The following RCC1 variants were observed in gnomAD, a reference collection of about 807,000 sequenced individuals.
RCC1 encodes the protein regulator of chromosome condensation 1.
RCC1 carries 11 observed loss-of-function variants against 44.4 expected under a neutral mutation model. That is an observed-to-expected ratio of 0.25 (90% CI 0.16 to 0.41). The LOEUF is 0.41. Ranked by LOEUF, RCC1 falls within the 10% of genes least tolerant of loss-of-function variation. The pLI is 1.00. For missense variants in RCC1, 386 were observed against 547.1 expected (o/e 0.71, Z 2.94); for synonymous variants, 213 against 216.5 (o/e 0.98, Z 0.14).
rs759305040 is a variant in RCC1 at position 28,536,246 on chromosome 1, C to G, written c.818-16C>G. ...CAGAACACCTTCACCCCTGATGGCT[C>G]CGGCCTTTCCCCCAGGAACTCCGGG... On this transcript the variant is annotated splice_polypyrimidine_tract_variant and intron_variant, in intron 10 of 12. Coordinates refer to ENST00000683442, the MANE Select transcript of RCC1 (RefSeq NM_001381865.2). The surrounding 1 kb of genome is among the most constrained non-coding windows in gnomAD (Gnocchi z 4.9). 1 of 1,613,018 alleles carries G rather than the reference C, an allele frequency of 6.2e-7. No individual in the cohort carries two copies. Among genetic ancestry groups the G allele is most frequent in the Non-Finnish European group, 8.5e-7 (1 of 1,179,380 alleles).
intron 3 of RCC1, 93 bp downstream of exon 3, chr1:28,508,998 G>A (rs1662282240): frequency 2.3e-6 from 1 of 434,920 alleles, no homozygotes; most frequent in South Asian, 1.6e-5. Flanking sequence ...CTCCTTTTGA[G>A]AGTCTTGCTC....
chr1:28,531,529 C>T (rs1024847845), intron 5 of RCC1, among the ~76,000 whole-genome samples: 1 of 152,086 alleles, frequency 6.6e-6, no homozygotes, highest in African/African-American at 2.4e-5. Context: ...TTGCCCTCTC[C>T]ACCAAGATTC....
At chr1:28,532,495 G>C in intron 7 of RCC1, 145 bp downstream of exon 7, 1 of 831,738 alleles carries the variant, frequency 1.2e-6, no homozygotes, top group South Asian at 1.8e-5. Context: ...CCAGACCCAG[G>C]ACTCTAGCTT....
rs796795439 is a variant in RCC1 at position 28,535,773 on chromosome 1, T to C, written c.662-98T>C. On this transcript the variant is annotated intron_variant, in intron 9 of 12. Transcript: ENST00000683442. ...TAGGGATAAGAGTCCCTACTTAGCC[T>C]CTCAAGGGCTTTTATAATGGAGGAG... 1.3e-5 allele frequency: 18 copies of C among 1,348,310 alleles called. No individual in the cohort carries two copies. In the African/African-American group the frequency reaches 2.0e-4, roughly 15 times the overall value. 83.5% of individuals were successfully genotyped at this position (1,348,310 alleles called of 1,614,324 possible). A position where few individuals can be genotyped will look rare whatever the true frequency, so the allele number is the denominator to read the frequency against.
chr1:28,528,695 A>G (rs1204594315), intron 4 of RCC1, among the ~76,000 whole-genome samples: 1 of 152,034 alleles, frequency 6.6e-6, no homozygotes, highest in Non-Finnish European at 1.5e-5. Context: ...ATAAAACGAA[A>G]CAAGTAATGA....
At chr1:28,527,388 C>T (rs1298386538) in intron 4 of RCC1, among the ~76,000 whole-genome samples, 1 of 152,164 alleles carries the variant, frequency 6.6e-6, no homozygotes, top group Non-Finnish European at 1.5e-5. Context: ...TTCAGGCGTG[C>T]ACCACCATGC....
In RCC1 at chr1:28,532,302, A is replaced by T; in HGVS notation, c.393A>T (p.Thr131=). The change falls in exon 7 of 13, where the codon ACA becomes ACT. Residue 131 remains threonine, a synonymous_variant. Coordinates refer to ENST00000683442, the MANE Select transcript of RCC1 (RefSeq NM_001381865.2). ...AGGTGTCAGCAGGAGACAGTCACAC[A>T]GCAGCCCTCACCGATGATGGCCGTG... is the stretch of plus-strand genomic sequence containing the variant. The part of the protein sequence containing the change: ...VVQVSAGDSH[T]AALTDDGRVF... 6.2e-7 allele frequency: 1 copy of T among 1,614,166 alleles called. No homozygotes were observed. Among genetic ancestry groups the T allele is most frequent in the Non-Finnish European group, 8.5e-7 (1 of 1,180,034 alleles).
rs1664241228 is a variant in RCC1, at chr1:28,532,476, A to T, written c.441+126A>T. 3 of 1,038,586 alleles carry T rather than the reference A, an allele frequency of 2.9e-6. No individual in the cohort carries two copies. In the Admixed American group the frequency reaches 7.5e-5, roughly 26 times the overall value. The allele number at this position is 1,038,586 out of a possible 1,614,324, so 64.3% of individuals were successfully genotyped here. On this transcript the variant is annotated intron_variant, in intron 7 of 12. Coordinates refer to ENST00000683442, the MANE Select transcript of RCC1 (RefSeq NM_001381865.2). ...TGGGGAGATGAAAGCCCACAGGTAG[A>T]GCTGAGGCCCAGACCCAGGACTCTA...
chr1:28,511,927 G>T (rs1662571596), intron 3 of RCC1, among the ~76,000 whole-genome samples: 2 of 150,218 alleles, frequency 1.3e-5, no homozygotes, highest in Admixed American at 1.3e-4. Flanking sequence ...GCATCCCAAA[G>T]TGTTGGGATT....
chr1:28,512,031 G>A (rs1240233996), intron 3 of RCC1, among the ~76,000 whole-genome samples: 1 of 142,088 alleles, frequency 7.0e-6, no homozygotes, highest in East Asian at 2.1e-4. Context: ...CTGGAGTGCA[G>A]TGGCGTGATC....
chr1:28,506,420 G>A (rs1197276579), intron 1 of RCC1: 1 of 342,648 alleles, frequency 2.9e-6, no homozygotes, highest in Non-Finnish European at 5.7e-6. Flanking sequence ...CCTGATTTCC[G>A]GTGATCCACC....
At chr1:28,537,024 G>T in intron 12 of RCC1, 125 bp downstream of exon 12, 1 of 1,019,376 alleles carries the variant, frequency 9.8e-7, no homozygotes, top group Non-Finnish European at 1.5e-6. Context: ...TGTTTGTGAT[G>T]GCACTTTGTT....
chr1:28,511,434 T>C (rs1443432752), intron 3 of RCC1, among the ~76,000 whole-genome samples: 2 of 150,590 alleles, frequency 1.3e-5, no homozygotes, highest in African/African-American at 4.9e-5. Context: ...GGAGTCTCGC[T>C]CTGTCGCCCA....
At chr1:28,528,009 CAA>C (rs56261878) in intron 4 of RCC1, among the ~76,000 whole-genome samples, 1,631 of 97,540 alleles carry the variant, frequency 0.017, 9 homozygotes, top group Non-Finnish European at 0.018. Context: ...AACTCTGCTT[CAA>C]AAAAAAAAAA....
intron 3 of RCC1, among the ~76,000 whole-genome samples, chr1:28,513,320 G>A (rs1176123016): frequency 1.3e-5 from 2 of 151,794 alleles, no homozygotes; most frequent in South Asian, 2.1e-4. Flanking sequence ...TCAGCCTCTG[G>A]AGCAGCTGGT....
At position 28,532,411 on chromosome 1, in the gene RCC1, C is replaced by T. The variant is rs956133761; in HGVS notation, c.441+61C>T. On this transcript the variant is annotated intron_variant, in intron 7 of 12. Transcript: ENST00000683442. ...AAGACAGAATTAATTGGCGGGGCCC[C>T]AAAGATAATCCACTTCCATGCCCCC... 2.5e-5 allele frequency: 39 copies of T among 1,568,366 alleles called. No individual in the cohort carries two copies. The African/African-American group carries it at 4.9e-4, about 20-fold the overall frequency.
intron 5 of RCC1, 121 bp downstream of exon 5, chr1:28,530,060 C>A: frequency 2.8e-6 from 2 of 703,602 alleles, no homozygotes; most frequent in Non-Finnish European, 4.7e-6. Flanking sequence ...AGAGACCCCA[C>A]CCAGCTGGAA....
At chr1:28,506,786 C>T (rs1291010806) in intron 1 of RCC1, 1 of 157,226 alleles carries the variant, frequency 6.4e-6, no homozygotes, top group Non-Finnish European at 1.4e-5. Context: ...ACTGCAACCT[C>T]CGCCTGCTGG....
At chr1:28,517,384 GTCTC>G (rs1662960308) in intron 4 of RCC1, among the ~76,000 whole-genome samples, 1 of 151,900 alleles carries the variant, frequency 6.6e-6, no homozygotes, top group Admixed American at 6.6e-5. Context: ...ATTTTATCTG[GTCTC>G]TCTCATTCCT....
Sources: gnomAD v4.1 joint callset for allele counts (sites outside exome capture counted in the v4.1 genomes callset) on GRCh38, gnomAD v4.1.1 for gene constraint, Gnocchi (gnomAD v3.1) non-coding constraint, MANE v1.5 for transcripts, NCBI Gene and HGNC (gene_info 2026-07-23, HGNC 2026-07-21) for gene names.